Variants in RIC8B observed in about 807,000 individuals in gnomAD.
RIC8B encodes the protein RIC8 guanine nucleotide exchange factor B, also known as chaperone Ric-8B.
Under a neutral mutation model 57.5 loss-of-function variants are expected in RIC8B, and 16 were observed. The observed-to-expected ratio is 0.28, with a 90% CI of 0.19 to 0.42. RIC8B has a LOEUF of 0.42. RIC8B is among the 10% of genes least tolerant of loss of function. The pLI is 1.00. For synonymous variants in RIC8B, 216 were observed against 250.8 expected (o/e 0.86, Z 1.31); for missense variants, 481 against 677.0 (o/e 0.71, Z 3.21).
At chr12:106,778,805 G>A (rs577752323) in intron 1 of RIC8B, among the ~76,000 whole-genome samples, 4 of 152,040 alleles carry the variant, frequency 2.6e-5, no homozygotes, top group Admixed American at 6.6e-5. Context: ...TATCCAAAGG[G>A]GATTGCTTCC....
intron 3 of RIC8B, among the ~76,000 whole-genome samples, chr12:106,816,735 C>G (rs934282349): frequency 1.1e-4 from 16 of 152,078 alleles, no homozygotes; most frequent in Non-Finnish European, 2.1e-4. Context: ...GGCTACACAT[C>G]AGTATATTTA....
In RIC8B at chr12:106,803,215, C is replaced by CAAA. The variant is rs55853235; in HGVS notation, c.133-11460_133-11458dup. ...TGACAAGAGTGATGATACCCTGTCT[C>CAAA]AAAAAAAAAAAAAAAAAAAAAAAGC... On this transcript the variant is annotated intron_variant, in intron 2 of 9. Transcript: ENST00000392837. 4.9e-3 allele frequency among the ~76,000 whole-genome samples: 407 copies of CAAA among 83,910 alleles called. 12 individuals are homozygous for CAAA. The highest frequency in any genetic ancestry group is 0.019 in the African/African-American group (387 of 20,224). The allele number at this position is 83,910 out of a possible 152,430, so 55.0% of individuals were successfully genotyped here.
At chr12:106,872,793 A>G (rs999902928) in intron 9 of RIC8B, among the ~76,000 whole-genome samples, 1 of 152,154 alleles carries the variant, frequency 6.6e-6, no homozygotes, top group Non-Finnish European at 1.5e-5. Flanking sequence ...CATAAATTTC[A>G]TATTCTGACC....
At position 106,860,251 on chromosome 12, in the gene RIC8B, C is replaced by G. The variant is rs980785243; in HGVS notation, c.1307-17C>G. 6.4e-7 allele frequency: 1 copy of G among 1,555,796 alleles called. No individual in the cohort carries two copies. Among genetic ancestry groups the G allele is most frequent in the Non-Finnish European group, 8.7e-7 (1 of 1,154,626 alleles). On this transcript the variant is annotated splice_polypyrimidine_tract_variant and intron_variant, in intron 7 of 9. Transcript: ENST00000392837. The stretch of plus-strand genomic sequence containing the variant: ...GACCCAAGGATTCCTATCTAAAACC[C>G]TATTCTGTTTTTGCAGTGGATAGTC...
At chr12:106,803,440 C>T (rs1037060298) in intron 2 of RIC8B, among the ~76,000 whole-genome samples, 1 of 152,018 alleles carries the variant, frequency 6.6e-6, no homozygotes, top group African/African-American at 2.4e-5. Flanking sequence ...CTGTGCAGCT[C>T]GTTTCTAGAC....
At chr12:106,796,610 A>C (rs1355725347) in intron 2 of RIC8B, among the ~76,000 whole-genome samples, 1 of 152,248 alleles carries the variant, frequency 6.6e-6, no homozygotes, top group African/African-American at 2.4e-5. Context: ...ATAAAGGTAA[A>C]TCTTCATGTC....
chr12:106,821,490 T>C (rs528265853), intron 3 of RIC8B, among the ~76,000 whole-genome samples: 1 of 152,322 alleles, frequency 6.6e-6, no homozygotes, highest in South Asian at 2.1e-4. Flanking sequence ...TTGAGATGGA[T>C]AAGAGACCTA....
intron 2 of RIC8B, among the ~76,000 whole-genome samples, chr12:106,791,842 A>G (rs578100376): frequency 1.2e-4 from 18 of 152,374 alleles, no homozygotes; most frequent in South Asian, 8.3e-4. Flanking sequence ...ATATGTGCCA[A>G]AATAGAATCA....
intron 2 of RIC8B, among the ~76,000 whole-genome samples, chr12:106,812,699 G>T (rs1365329760): frequency 6.6e-6 from 1 of 151,940 alleles, no homozygotes; most frequent in Non-Finnish European, 1.5e-5. Flanking sequence ...GTATTTTTTT[G>T]TCTTGAATAT....
In RIC8B at chr12:106,859,900, T is replaced by C. The variant is rs149834177; in HGVS notation, c.1307-368T>C. Among the ~76,000 whole-genome samples the C allele has an allele frequency of 8.3e-3, 1,271 of 152,286 alleles. 19 individuals are homozygous for C. Among genetic ancestry groups the C allele is most frequent in the African/African-American group, 0.029 (1,200 of 41,550 alleles). On this transcript the variant is annotated intron_variant, in intron 7 of 9. Transcript: ENST00000392837. Reference sequence around the variant, plus strand: ...ATATTGCTAAAGTCCCAATCTGACTTTCACTCTCTCTAGTTTCTTATCATT... The same window carrying C: ...ATATTGCTAAAGTCCCAATCTGACTCTCACTCTCTCTAGTTTCTTATCATT...
At chr12:106,818,716 T>A (rs2045701955) in intron 3 of RIC8B, among the ~76,000 whole-genome samples, 1 of 152,114 alleles carries the variant, frequency 6.6e-6, no homozygotes, top group Admixed American at 6.5e-5. Flanking sequence ...CCCAAGTAGT[T>A]GAGATTACAG....
chr12:106,814,497 A>G (rs931425892), intron 2 of RIC8B, among the ~76,000 whole-genome samples, 199 bp from the exon 3 acceptor site: 1 of 152,224 alleles, frequency 6.6e-6, no homozygotes, highest in African/African-American at 2.4e-5. Flanking sequence ...GGAAGGGAAC[A>G]GCTATGATTC....
intron 4 of RIC8B, among the ~76,000 whole-genome samples, chr12:106,833,163 C>G (rs890129754): frequency 2.0e-5 from 3 of 152,164 alleles, no homozygotes; most frequent in South Asian, 2.1e-4. Context: ...AATACACCCT[C>G]AAGTATATTT....
intron 7 of RIC8B, among the ~76,000 whole-genome samples, chr12:106,858,005 C>G (rs867500300): frequency 3.3e-5 from 5 of 152,126 alleles, no homozygotes; most frequent in Admixed American, 6.6e-5. Flanking sequence ...AAGGTTTGTT[C>G]CAGTGAAAGA....
chr12:106,780,324 A>G (rs2043709012), intron 1 of RIC8B, among the ~76,000 whole-genome samples: 2 of 152,172 alleles, frequency 1.3e-5, no homozygotes, highest in South Asian at 4.1e-4. Context: ...TTTTTGGCCA[A>G]ATGAAAGGTA....
At chr12:106,808,086 A>C (rs2045136869) in intron 2 of RIC8B, among the ~76,000 whole-genome samples, 2 of 57,350 alleles carry the variant, frequency 3.5e-5, no homozygotes, top group South Asian at 5.8e-4. Context: ...CTCTGTCTCA[A>C]AAAAAAAAAA....
At chr12:106,837,687 G>C (rs2046678124) in intron 4 of RIC8B, among the ~76,000 whole-genome samples, 1 of 144,936 alleles carries the variant, frequency 6.9e-6, no homozygotes, top group African/African-American at 2.6e-5. Context: ...TGTTGCCCAG[G>C]CTGGAGTGCA....
At chr12:106,863,983 T>G in intron 8 of RIC8B, among the ~76,000 whole-genome samples, 1 of 152,272 alleles carries the variant, frequency 6.6e-6, no homozygotes, top group Admixed American at 6.5e-5. Context: ...ATGTATAAAT[T>G]TATGTGGCTA....
chr12:106,806,528 T>C (rs2045031272), intron 2 of RIC8B, among the ~76,000 whole-genome samples: 1 of 152,148 alleles, frequency 6.6e-6, no homozygotes, highest in South Asian at 2.1e-4. Flanking sequence ...TCATTTACTT[T>C]TGTAACTTAA....
Sources: gnomAD v4.1 joint callset for allele counts (sites outside exome capture counted in the v4.1 genomes callset) on GRCh38, gnomAD v4.1.1 for gene constraint, MANE v1.5 for transcripts, NCBI Gene and HGNC (gene_info 2026-07-23, HGNC 2026-07-21) for gene names.